SEMA6D: variants seen among roughly 807,000 people sequenced by gnomAD.
SEMA6D encodes semaphorin 6D.
A neutral mutation model predicts 106.6 loss-of-function variants in SEMA6D; 35 were observed. The observed-to-expected ratio is 0.33, with a 90% confidence interval of 0.25 to 0.44. The LOEUF (loss-of-function observed/expected upper bound fraction) is 0.44. Ranked by LOEUF, SEMA6D falls within the 20% of genes least tolerant of loss-of-function variation. The pLI is 1.00. For missense variants in SEMA6D, 1,185 were observed against 1,345.9 expected (o/e 0.88, Z 1.87); for synonymous variants, 499 against 487.7 (o/e 1.02, Z -0.31).
At chr15:47,334,211 G>GC (rs2037461852) in intron 1 of SEMA6D, among the ~76,000 whole-genome samples, 1 of 151,992 alleles carries the variant, frequency 6.6e-6, no homozygotes, top group African/African-American at 2.4e-5. Context: ...GAAACTCCAC[G>GC]CCCCTTCCCA....
chr15:47,564,059 G>C (rs541508701), intron 3 of SEMA6D, among the ~76,000 whole-genome samples: 102 of 152,290 alleles, frequency 6.7e-4, no homozygotes, highest in Middle Eastern at 3.4e-3. Context: ...AAAGAAACCT[G>C]ACCCTACGTC....
chr15:47,617,847 T>C (rs1370870754), intron 4 of SEMA6D, among the ~76,000 whole-genome samples: 1 of 152,236 alleles, frequency 6.6e-6, no homozygotes, highest in Non-Finnish European at 1.5e-5. Flanking sequence ...AGCTAGATGC[T>C]GTGTAACTAT....
At chr15:47,487,553 A>G (rs2043334446) in intron 3 of SEMA6D, among the ~76,000 whole-genome samples, 2 of 152,250 alleles carry the variant, frequency 1.3e-5, no homozygotes, top group African/African-American at 4.8e-5. Flanking sequence ...AAGTTGGATT[A>G]CACTATATGT....
At chr15:47,428,960 G>C (rs281233) in intron 2 of SEMA6D, among the ~76,000 whole-genome samples, 4,760 of 151,542 alleles carry the variant, frequency 0.031, 296 homozygotes, top group African/African-American at 0.11. Flanking sequence ...AAGAAGCAAG[G>C]AAGGGCCGAA....
chr15:47,436,841 G>A (rs1014948522), intron 2 of SEMA6D, among the ~76,000 whole-genome samples: 33 of 150,266 alleles, frequency 2.2e-4, no homozygotes, highest in African/African-American at 7.8e-4. Flanking sequence ...GGCTGAGGTG[G>A]GGGGATCACT....
intron 4 of SEMA6D, among the ~76,000 whole-genome samples, chr15:47,625,308 A>G (rs7180536): frequency 0.29 from 43,378 of 152,106 alleles, 7,194 homozygotes; most frequent in East Asian, 0.45. Flanking sequence ...CAGGAGTGAT[A>G]AAATATTTAG....
chr15:47,472,030 A>C (rs2042864782), intron 3 of SEMA6D, among the ~76,000 whole-genome samples: 2 of 151,782 alleles, frequency 1.3e-5, no homozygotes, highest in Admixed American at 1.3e-4. Context: ...GAGAAAAGAG[A>C]ATAGATAGAG....
At chr15:47,413,611 G>A (rs1250738883) in intron 2 of SEMA6D, among the ~76,000 whole-genome samples, 2 of 151,896 alleles carry the variant, frequency 1.3e-5, no homozygotes, top group African/African-American at 4.8e-5. Context: ...AGCCTCCTGA[G>A]TAGCTAGGAC....
intron 3 of SEMA6D, among the ~76,000 whole-genome samples, chr15:47,494,516 T>C (rs2043574904): frequency 6.6e-6 from 1 of 151,650 alleles, no homozygotes; most frequent in African/African-American, 2.4e-5. Context: ...TTAAAAGTTT[T>C]CCCATTAAGT....
chr15:47,631,462 A>G (rs1291347836), intron 4 of SEMA6D, among the ~76,000 whole-genome samples: 1 of 151,956 alleles, frequency 6.6e-6, no homozygotes, highest in Admixed American at 6.6e-5. Context: ...ACACGAAAAA[A>G]AAATGAAAGA....
chr15:47,427,459 G>A (rs1184667520), intron 2 of SEMA6D, among the ~76,000 whole-genome samples: 1 of 152,044 alleles, frequency 6.6e-6, no homozygotes, highest in African/African-American at 2.4e-5. Context: ...TTTTCATTCT[G>A]TCACATTTTA....
chr15:47,668,111 A>G (rs577468872), intron 4 of SEMA6D, among the ~76,000 whole-genome samples: 1 of 152,338 alleles, frequency 6.6e-6, no homozygotes, highest in South Asian at 2.1e-4. Context: ...CTTAGAGTAC[A>G]ACTGTGGTGT....
intron 4 of SEMA6D, among the ~76,000 whole-genome samples, chr15:47,674,273 C>G (rs920496423): frequency 1.3e-5 from 2 of 152,138 alleles, no homozygotes; most frequent in African/African-American, 4.8e-5. Flanking sequence ...AAATGTCAAG[C>G]CTGGCTTTCT....
intron 2 of SEMA6D, among the ~76,000 whole-genome samples, chr15:47,418,478 G>A (rs1451408397): frequency 1.3e-5 from 2 of 151,996 alleles, no homozygotes; most frequent in Non-Finnish European, 2.9e-5. Flanking sequence ...TTCATAGGCC[G>A]AGCCTTCTGT....
intron 2 of SEMA6D, among the ~76,000 whole-genome samples, chr15:47,434,919 C>T (rs998901000): frequency 2.6e-5 from 4 of 152,062 alleles, no homozygotes; most frequent in Non-Finnish European, 5.9e-5. Context: ...CACAGCTGGT[C>T]ATCAGAAACA....
intron 1 of SEMA6D, among the ~76,000 whole-genome samples, chr15:47,317,161 C>T (rs2036716287): frequency 6.6e-6 from 1 of 151,968 alleles, no homozygotes; most frequent in Non-Finnish European, 1.5e-5. Flanking sequence ...AAGAACTGGC[C>T]CATTTTATCT....
At chr15:47,223,727 G>A (rs770117802) in intron 1 of SEMA6D, among the ~76,000 whole-genome samples, 7 of 151,954 alleles carry the variant, frequency 4.6e-5, no homozygotes, top group East Asian at 1.9e-4. Context: ...GCTCAAATTC[G>A]GTCTGGTAAG....
intron 4 of SEMA6D, among the ~76,000 whole-genome samples, chr15:47,679,437 T>C (rs760255730): frequency 6.6e-6 from 1 of 152,318 alleles, no homozygotes; most frequent in South Asian, 2.1e-4. Context: ...TCTTTGGCCT[T>C]GGTTCTTTTA....
At chr15:47,397,852 AT>A (rs1305284561) in intron 1 of SEMA6D, 1 of 152,100 alleles carries the variant, frequency 6.6e-6, no homozygotes, top group Non-Finnish European at 1.5e-5. Flanking sequence ...GTTTGTTGAG[AT>A]TTTTTTCCTC....
Sources: allele counts gnomAD v4.1 joint callset (sites outside exome capture counted in the v4.1 genomes callset), GRCh38; gene constraint gnomAD v4.1.1; transcripts MANE v1.5; gene names NCBI Gene and HGNC (gene_info 2026-07-23, HGNC 2026-07-21).